Variants in RAB8B observed in about 807,000 individuals in gnomAD.
RAB8B encodes the protein RAB8B, member RAS oncogene family.
Under a neutral mutation model 32.0 loss-of-function variants are expected in RAB8B, and 11 were observed. That is an observed-to-expected ratio of 0.34 (90% confidence interval 0.22 to 0.57). The LOEUF is 0.57. Ranked by LOEUF, RAB8B falls within the 20% of genes least tolerant of loss-of-function variation. The probability of loss-of-function intolerance (pLI) is 0.86; values close to 1 mark genes in which losing one functional copy is unlikely to be tolerated. For missense variants in RAB8B, 190 were observed against 258.5 expected (o/e 0.73, Z 1.82); for synonymous variants, 103 against 89.6 (o/e 1.15, Z -0.85).
At chr15:63,194,863 T>A (rs2037587485) in intron 1 of RAB8B, among the ~76,000 whole-genome samples, 1 of 152,228 alleles carries the variant, frequency 6.6e-6, no homozygotes, top group African/African-American at 2.4e-5. Flanking sequence ...AGACCATATG[T>A]ATCCCACAAA....
Position 63,256,681 on chromosome 15 carries a change from T to A in RAB8B, c.414+87T>A, listed in dbSNP as rs529866792. On this transcript the variant is annotated intron_variant, in intron 5 of 7. Coordinates refer to ENST00000321437, the MANE Select transcript of RAB8B (RefSeq NM_016530.3). ...ATATTATTTAATTATTGATTTTTTT[T>A]AAAATCTGTGTTTTAATCCCTTTAA... is the stretch of plus-strand genomic sequence containing the variant. The A allele has an allele frequency of 8.3e-4, 845 of 1,019,366 alleles. 9 individuals carry two copies. The South Asian group carries it at 9.5e-3, about 11-fold the overall frequency. The allele number at this position is 1,019,366 out of a possible 1,614,324, so 63.1% of individuals were successfully genotyped here.
At chr15:63,206,330 A>C (rs1174650979) in intron 1 of RAB8B, among the ~76,000 whole-genome samples, 2 of 151,794 alleles carry the variant, frequency 1.3e-5, no homozygotes, top group African/African-American at 4.8e-5. Flanking sequence ...GTTTTTTTTT[A>C]ATGACTGTGC....
At chr15:63,232,546 C>T (rs559960365) in intron 1 of RAB8B, among the ~76,000 whole-genome samples, 1 of 152,232 alleles carries the variant, frequency 6.6e-6, no homozygotes, top group East Asian at 1.9e-4. Flanking sequence ...AATTCTGAAA[C>T]AGTGTAAAGC....
Position 63,265,186 on chromosome 15 carries a change from G to T in RAB8B, c.*1567G>T, listed in dbSNP as rs2038236199. 1 of 152,342 alleles carries T rather than the reference G, an allele frequency of 6.6e-6. No individual in the cohort carries two copies. 9.4% of individuals were successfully genotyped at this position (152,342 alleles called of 1,614,324 possible). ...GCTGGATAGATAAGAACAGGAGATGGCAGTGGAAAGGGATTGCTTGTTACC... is the reference window on the plus strand; with the variant it reads ...GCTGGATAGATAAGAACAGGAGATGTCAGTGGAAAGGGATTGCTTGTTACC... On this transcript the variant is annotated 3_prime_UTR_variant, in exon 8 of 8. Transcript: ENST00000321437. The surrounding 1 kb of genome is among the most constrained non-coding windows in gnomAD (Gnocchi z 4.9).
chr15:63,204,042 G>GCACA (rs1326221905), intron 1 of RAB8B, among the ~76,000 whole-genome samples: 1 of 151,984 alleles, frequency 6.6e-6, no homozygotes, highest in Non-Finnish European at 1.5e-5. Flanking sequence ...CATTAATGAA[G>GCACA]CACAGGGCCT....
intron 1 of RAB8B, among the ~76,000 whole-genome samples, chr15:63,200,540 C>T (rs2037638546): frequency 6.6e-6 from 1 of 151,904 alleles, no homozygotes; most frequent in Non-Finnish European, 1.5e-5. Flanking sequence ...GCAATCCCAG[C>T]ACTTTGGGAG....
Position 63,259,632 on chromosome 15 carries a change from A to G in RAB8B, c.420A>G (p.Ala140=), listed in dbSNP as rs2038187144. ...TATTTCTGTTTACTTTTCAGCTAGC[A>G]ATTGACTATGGGATTAAATTCTTGG... The part of the protein sequence containing the change: ...QVSKERGEKL[A]IDYGIKFLET... The change falls in exon 6 of 8, where the codon GCA becomes GCG. Residue 140 remains alanine (A), a synonymous_variant. Coordinates refer to ENST00000321437, the MANE Select transcript of RAB8B (RefSeq NM_016530.3). The surrounding 1 kb of genome is among the most constrained non-coding windows in gnomAD (Gnocchi z 4.4). 1 of 1,612,832 alleles carries G rather than the reference A, an allele frequency of 6.2e-7. No homozygotes were observed. The highest frequency in any genetic ancestry group is 1.7e-5 in the Admixed American group (1 of 59,988).
Position 63,202,174 on chromosome 15 carries a change from AGG to A in RAB8B, c.124+12427_124+12428del, listed in dbSNP as rs2037658117. On this transcript the variant is annotated intron_variant, in intron 1 of 7. Coordinates refer to ENST00000321437, the MANE Select transcript of RAB8B (RefSeq NM_016530.3). Reference sequence around the variant, plus strand: ...GCACCTGTAGTCCCAGCTACTTGGGAGGCTGAGGGAGGAGAATGGCGTGAACC... The same window carrying A: ...GCACCTGTAGTCCCAGCTACTTGGGACTGAGGGAGGAGAATGGCGTGAACC... Among the ~76,000 whole-genome samples the A allele has an allele frequency of 4.0e-5, 6 of 149,698 alleles. No homozygotes were observed. The South Asian group carries it at 1.3e-3, about 32-fold the overall frequency.
chr15:63,219,441 A>G (rs2037824564), intron 1 of RAB8B, among the ~76,000 whole-genome samples: 1 of 147,704 alleles, frequency 6.8e-6, no homozygotes. Context: ...TACTGTGTCC[A>G]GACCAACTTT....
At chr15:63,257,361 G>T (rs567494660) in intron 5 of RAB8B, among the ~76,000 whole-genome samples, 1 of 151,612 alleles carries the variant, frequency 6.6e-6, no homozygotes, top group East Asian at 1.9e-4. Flanking sequence ...CTGGCTTCAA[G>T]CAATTCTCAT....
At chr15:63,249,438 G>A (rs1333609064) in intron 2 of RAB8B, among the ~76,000 whole-genome samples, 1 of 152,086 alleles carries the variant, frequency 6.6e-6, no homozygotes, top group Non-Finnish European at 1.5e-5. Context: ...TTTTCACCCA[G>A]GTCATTGTGA....
intron 1 of RAB8B, among the ~76,000 whole-genome samples, chr15:63,227,775 A>G (rs528261947): frequency 1.3e-5 from 2 of 152,312 alleles, no homozygotes; most frequent in East Asian, 3.9e-4. Flanking sequence ...AATATAACAA[A>G]ACAAATTGTT....
At position 63,249,626 on chromosome 15, in the gene RAB8B, C is replaced by T. The variant is rs1442471327; in HGVS notation, c.186-19C>T. 6.2e-7 allele frequency: 1 copy of T among 1,612,784 alleles called. No individual in the cohort carries two copies. The highest frequency in any genetic ancestry group is 2.2e-5 in the East Asian group (1 of 44,842). ...TGGTGATGACTTCAAAAACCACTCT[C>T]CTTTGTTTCATATTTTAGGGACACA... On this transcript the variant is annotated intron_variant, in intron 2 of 7. Transcript: ENST00000321437.
Position 63,194,738 on chromosome 15 carries a change from G to A in RAB8B, c.124+4990G>A, listed in dbSNP as rs370216157. On this transcript the variant is annotated intron_variant, in intron 1 of 7. Coordinates refer to ENST00000321437, the MANE Select transcript of RAB8B (RefSeq NM_016530.3). The stretch of plus-strand genomic sequence containing the variant: ...TCACTTTCCTTAAAATCAGGGGTTA[G>A]CACACTATAGCCTATGGGCCAAGTG... Among the ~76,000 whole-genome samples, 100 of 152,314 alleles carry A rather than the reference G, an allele frequency of 6.6e-4. 1 individual carries two copies. The highest frequency in any genetic ancestry group is 2.4e-3 in the African/African-American group (98 of 41,570).
At chr15:63,252,095 T>C (rs927583735) in intron 3 of RAB8B, among the ~76,000 whole-genome samples, 2 of 151,876 alleles carry the variant, frequency 1.3e-5, no homozygotes, top group Admixed American at 1.3e-4. Flanking sequence ...TCTGAATTCT[T>C]AGGAAGCTAT....
intron 1 of RAB8B, among the ~76,000 whole-genome samples, chr15:63,196,790 C>G (rs1266821664): frequency 6.6e-6 from 1 of 152,118 alleles, no homozygotes; most frequent in Non-Finnish European, 1.5e-5. Context: ...GTATAAAATG[C>G]TACATATCTT....
intron 1 of RAB8B, among the ~76,000 whole-genome samples, chr15:63,227,264 G>C (rs1185636525): frequency 1.3e-5 from 2 of 152,104 alleles, no homozygotes; most frequent in Non-Finnish European, 2.9e-5. Context: ...TGCATCCACT[G>C]TTGTATGTAT....
chr15:63,256,255 A>G (rs1040236773), intron 4 of RAB8B, among the ~76,000 whole-genome samples: 4 of 152,184 alleles, frequency 2.6e-5, no homozygotes, highest in African/African-American at 7.2e-5. Context: ...TTAGATCACC[A>G]TAAGCTTTAT....
At chr15:63,223,853 C>T in intron 1 of RAB8B, 1 of 432,916 alleles carries the variant, frequency 2.3e-6, no homozygotes, top group Non-Finnish European at 4.6e-6. Flanking sequence ...TATAGTGCGG[C>T]CTCACATAGA....
Sources: gnomAD v4.1 joint callset for allele counts (sites outside exome capture counted in the v4.1 genomes callset) on GRCh38, gnomAD v4.1.1 for gene constraint, Gnocchi (gnomAD v3.1) non-coding constraint, MANE v1.5 for transcripts, NCBI Gene and HGNC (gene_info 2026-07-23, HGNC 2026-07-21) for gene names.